TNRC6A: variants seen among roughly 807,000 people sequenced by gnomAD.
TNRC6A encodes trinucleotide repeat-containing gene 6A protein.
In TNRC6A, 44 loss-of-function variants were observed where a neutral mutation model predicts 221.2. That is an observed-to-expected ratio of 0.20 (90% CI 0.16 to 0.26). TNRC6A has a LOEUF of 0.26. Ranked by LOEUF, TNRC6A falls within the 10% of genes least tolerant of loss-of-function variation. The probability of loss-of-function intolerance (pLI) is 1.00; values close to 1 mark genes in which losing one functional copy is unlikely to be tolerated. For missense variants in TNRC6A, 2,199 were observed against 2,404.4 expected (o/e 0.91, Z 1.79); for synonymous variants, 847 against 838.5 (o/e 1.01, Z -0.18).
intron 20 of TNRC6A, 121 bp from the exon 21 acceptor site, chr16:24,818,472 G>C: frequency 1.3e-6 from 1 of 746,760 alleles, no homozygotes; most frequent in Non-Finnish European, 2.4e-6. Context: ...ATCTTACCCT[G>C]AGTGGACCTG....
At chr16:24,649,816 CTTTTTTTTTT>C (rs35308503) in intron 2 of TNRC6A, among the ~76,000 whole-genome samples, 3 of 78,922 alleles carry the variant, frequency 3.8e-5, no homozygotes, top group South Asian at 4.7e-4. Flanking sequence ...CTCTCTCTCT[CTTTTTTTTTT>C]TTTTTTTTTT....
chr16:24,649,771 C>T (rs1361797006), intron 2 of TNRC6A, among the ~76,000 whole-genome samples: 2 of 149,444 alleles, frequency 1.3e-5, no homozygotes, highest in Non-Finnish European at 3.0e-5. Flanking sequence ...CTTTCACCAA[C>T]ATCTCCCCAA....
rs74015705 is a variant in TNRC6A, at chr16:24,791,037, A to C, written c.2395A>C (p.Asn799His). ...ALRWGDSKGS[N>H]CQGGWEDDSA... ...GAGGTGGGGAGATTCCAAAGGCTCA[A>C]ACTGCCAGGGGGGGTGGGAAGATGA... Residue 799 changes from asparagine to histidine, a missense_variant, in exon 6 of 25, where the codon AAC (asparagine) becomes CAC (histidine). Around this residue, in one of 8 missense-constraint regions of TNRC6A, gnomAD observed 1,405 missense variants for 1,400.2 expected, o/e 1.00. Transcript: ENST00000395799. 6.3e-7 allele frequency: 1 copy of C among 1,592,670 alleles called. No individual in the cohort carries two copies. Among genetic ancestry groups the C allele is most frequent in the Non-Finnish European group, 8.6e-7 (1 of 1,169,158 alleles).
chr16:24,790,938 T>C lies in TNRC6A; in HGVS notation c.2296T>C (p.Cys766Arg), dbSNP rs759467440. 1.1e-5 allele frequency: 17 copies of C among 1,613,490 alleles called. No homozygotes were observed. In the South Asian group the frequency reaches 1.9e-4, roughly 18 times the overall value. The change falls in exon 6 of 25, where the codon TGT becomes CGT. Residue 766 changes from cysteine to arginine, a missense_variant. By Grantham distance (180) the Cys-to-Arg change is radical. Coordinates refer to ENST00000395799, the MANE Select transcript of TNRC6A (RefSeq NM_014494.4). ...SATQTFNSGACIDKTSPNGND... is the reference protein window; with the variant it reads ...SATQTFNSGARIDKTSPNGND... The stretch of plus-strand genomic sequence containing the variant: ...AACACAGACTTTTAACTCAGGGGCA[T>C]GTATAGATAAGACTAGCCCTAATGG...
chr16:24,679,478 T>G (rs1248092889), intron 2 of TNRC6A, among the ~76,000 whole-genome samples: 2 of 151,800 alleles, frequency 1.3e-5, no homozygotes, highest in African/African-American at 4.8e-5. Context: ...TAATTTTGTT[T>G]TTTTTGTTTT....
At chr16:24,806,817 A>G in intron 17 of TNRC6A, 33 bp downstream of exon 17, 1 of 1,602,916 alleles carries the variant, frequency 6.2e-7, no homozygotes, top group Non-Finnish European at 8.5e-7. Flanking sequence ...TATTGGACTG[A>G]TGCTTAGGTA....
At chr16:24,732,287 C>T (rs2056662752) in intron 2 of TNRC6A, among the ~76,000 whole-genome samples, 1 of 152,192 alleles carries the variant, frequency 6.6e-6, no homozygotes, top group Admixed American at 6.5e-5. Context: ...CTGTCTTTAC[C>T]CATAGTGCTC....
At position 24,777,053 on chromosome 16, in the gene TNRC6A, C is replaced by CACAGCAGCAGCAGCA. The variant is rs756416479; in HGVS notation, c.296_310dup (p.Gln99_Gln103dup). 7.4e-6 allele frequency: 12 copies of CACAGCAGCAGCAGCA among 1,613,410 alleles called. No homozygotes were observed. Among genetic ancestry groups the CACAGCAGCAGCAGCA allele is most frequent in the Admixed American group, 1.7e-5 (1 of 59,960 alleles). On this transcript the variant is annotated inframe_insertion, in exon 5 of 25. Coordinates refer to ENST00000395799, the MANE Select transcript of TNRC6A (RefSeq NM_014494.4). ...CGAGCTACAGCCAACAATCAGCAGC[C>CACAGCAGCAGCAGCA]ACAGCAGCAGCAGCAACAGCAGCAG...
At chr16:24,737,957 T>G (rs2056807842) in intron 2 of TNRC6A, among the ~76,000 whole-genome samples, 1 of 152,214 alleles carries the variant, frequency 6.6e-6, no homozygotes. Flanking sequence ...GTAAGAGAAA[T>G]ATGTTTTATA....
intron 2 of TNRC6A, among the ~76,000 whole-genome samples, chr16:24,665,382 A>G (rs1407750228): frequency 6.6e-6 from 1 of 152,130 alleles, no homozygotes; most frequent in East Asian, 1.9e-4. Context: ...GCCTGGAAAG[A>G]ATTGGTAAAT....
At chr16:24,625,389 G>A (rs186493645) in intron 1 of TNRC6A, among the ~76,000 whole-genome samples, 364 of 152,204 alleles carry the variant, frequency 2.4e-3, no homozygotes, top group African/African-American at 8.4e-3. Context: ...CAAGGCGGGC[G>A]GATCACAAGG....
At chr16:24,741,593 T>C (rs1194789589) in intron 2 of TNRC6A, among the ~76,000 whole-genome samples, 1 of 152,190 alleles carries the variant, frequency 6.6e-6, no homozygotes, top group African/African-American at 2.4e-5. Context: ...GATACCTTGG[T>C]TCTCTTTTGG....
intron 2 of TNRC6A, among the ~76,000 whole-genome samples, chr16:24,712,556 GATA>G (rs1024007083): frequency 6.2e-5 from 9 of 145,208 alleles, no homozygotes; most frequent in African/African-American, 2.2e-4. Flanking sequence ...ATGACATTTA[GATA>G]ATAAGAAAAA....
chr16:24,614,308 A>G (rs1008910045), intron 1 of TNRC6A, among the ~76,000 whole-genome samples: 1 of 152,138 alleles, frequency 6.6e-6, no homozygotes, highest in African/African-American at 2.4e-5. Flanking sequence ...TTACGTAGTC[A>G]AGCCCAGAGT....
chr16:24,704,867 C>G (rs573201546), intron 2 of TNRC6A, among the ~76,000 whole-genome samples: 1 of 151,648 alleles, frequency 6.6e-6, no homozygotes, highest in Non-Finnish European at 1.5e-5. Flanking sequence ...CACACTAGGG[C>G]ACGATGGTTC....
chr16:24,759,115 G>T (rs754295153), intron 4 of TNRC6A, among the ~76,000 whole-genome samples: 11 of 151,980 alleles, frequency 7.2e-5, no homozygotes, highest in Non-Finnish European at 1.3e-4. Context: ...GGAATGAAAT[G>T]GTTCAAGCAT....
intron 2 of TNRC6A, among the ~76,000 whole-genome samples, chr16:24,644,638 A>C (rs895164558): frequency 3.3e-5 from 5 of 151,564 alleles, no homozygotes; most frequent in Admixed American, 2.0e-4. Flanking sequence ...TTTTTTGTAG[A>C]GTCAAGGTCT....
chr16:24,824,095 C>CTT lies in TNRC6A; in HGVS notation c.*300_*301dup. On this transcript the variant is annotated 3_prime_UTR_variant, in exon 25 of 25. Coordinates refer to ENST00000395799, the MANE Select transcript of TNRC6A (RefSeq NM_014494.4). Reference sequence around the variant, plus strand: ...ATTCATCATGTTTAGCCTTTGGATTCTTTTTTTTTTTTTCCTTCTATTCCT... The same window carrying CTT: ...ATTCATCATGTTTAGCCTTTGGATTCTTTTTTTTTTTTTTTCCTTCTATTCCT... The CTT allele has an allele frequency of 6.3e-5, 7 of 111,442 alleles. No individual in the cohort carries two copies. Among genetic ancestry groups the CTT allele is most frequent in the Non-Finnish European group, 8.8e-5 (5 of 56,648 alleles). 6.9% of individuals were successfully genotyped at this position (111,442 alleles called of 1,614,324 possible).
rs1389433601 is a variant in TNRC6A, at chr16:24,825,752, AC to A, written c.*1947del. On this transcript the variant is annotated 3_prime_UTR_variant, in exon 25 of 25. Transcript: ENST00000395799. ...TGCCCATCTCAAGCCTCAGCAAGAA[AC>A]CATGTGGAACATGAAGCTTAATGAC... 1 of 152,644 alleles carries A rather than the reference AC, an allele frequency of 6.6e-6. No homozygotes were observed. The highest frequency in any genetic ancestry group is 1.5e-5 in the Non-Finnish European group (1 of 68,046). The allele number at this position is 152,644 out of a possible 1,614,324, so 9.5% of individuals were successfully genotyped here. A position where few individuals can be genotyped will look rare whatever the true frequency, so the allele number is the denominator to read the frequency against.
Sources: gnomAD v4.1 joint callset for allele counts (sites outside exome capture counted in the v4.1 genomes callset) on GRCh38, gnomAD v4.1.1 for gene constraint, gnomAD v4.1.1 regional missense constraint, MANE v1.5 for transcripts, NCBI Gene and HGNC (gene_info 2026-07-23, HGNC 2026-07-21) for gene names.